CNTN1: variants seen among roughly 807,000 people sequenced by gnomAD.
CNTN1 encodes the protein contactin-1.
CNTN1 carries 38 observed loss-of-function variants against 126.4 expected under a neutral mutation model. That is an observed-to-expected ratio of 0.30 (90% CI 0.23 to 0.39). CNTN1 has a LOEUF of 0.39. Ranked by LOEUF, CNTN1 falls within the 10% of genes least tolerant of loss-of-function variation. CNTN1 has a pLI of 1.00. For synonymous variants in CNTN1, 413 were observed against 422.6 expected, an observed-to-expected ratio of 0.98 and a Z score of 0.28; for missense variants, 1,009 against 1,248.4, an observed-to-expected ratio of 0.81 and a Z score of 2.89.
chr12:40,812,383 C>A (rs923608823), intron 1 of CNTN1, among the ~76,000 whole-genome samples: 2 of 151,962 alleles, frequency 1.3e-5, no homozygotes, highest in Admixed American at 1.3e-4. Context: ...CTGTGTATGT[C>A]TTGTGTTCAC....
Position 40,943,718 on chromosome 12 carries a change from A to G in CNTN1, c.1501A>G (p.Ile501Val). The change falls in exon 13 of 24, where the codon ATC (isoleucine) becomes GTC (valine). Residue 501 changes from isoleucine to valine, a missense_variant. Physicochemically the swap from Ile to Val is conservative, Grantham distance 29. Coordinates refer to ENST00000551295, the MANE Select transcript of CNTN1 (RefSeq NM_001843.4). ...GKANSTGTLV[I>V]TDPTRIILAP... ...AGCTAATAGCACTGGAACCCTTGTT[A>G]TCACAGGTAAGTTAATGTTTGAGGG... 6.2e-7 allele frequency: 1 copy of G among 1,612,818 alleles called. No homozygotes were observed. The highest frequency in any genetic ancestry group is 8.5e-7 in the Non-Finnish European group (1 of 1,179,180).
chr12:40,972,380 A>G (rs1566068017), intron 15 of CNTN1: 1 of 984,040 alleles, frequency 1.0e-6, no homozygotes, highest in African/African-American at 1.7e-5. Flanking sequence ...TTGGTCAAAG[A>G]GATGTGCTTA....
intron 20 of CNTN1, among the ~76,000 whole-genome samples, chr12:41,023,304 G>T (rs1948967069): frequency 6.6e-6 from 1 of 152,184 alleles, no homozygotes; most frequent in Non-Finnish European, 1.5e-5. Flanking sequence ...AATGAGAATT[G>T]TGAGCAATTG....
intron 1 of CNTN1, among the ~76,000 whole-genome samples, chr12:40,844,570 T>C (rs982374817): frequency 6.6e-6 from 1 of 152,178 alleles, no homozygotes; most frequent in African/African-American, 2.4e-5. Context: ...AAGAGTGATA[T>C]TATTTAGAAT....
intron 23 of CNTN1, among the ~76,000 whole-genome samples, chr12:41,067,534 G>A (rs1359464924): frequency 6.8e-6 from 1 of 147,112 alleles, no homozygotes; most frequent in African/African-American, 2.5e-5. Flanking sequence ...ACCAAACACC[G>A]CATATTCTCA....
At chr12:40,817,777 T>G (rs1941308485) in intron 1 of CNTN1, among the ~76,000 whole-genome samples, 1 of 152,142 alleles carries the variant, frequency 6.6e-6, no homozygotes, top group Non-Finnish European at 1.5e-5. Context: ...TCTTTATGTT[T>G]TGGTGTGTTT....
At chr12:40,887,332 C>A (rs558631766) in intron 1 of CNTN1, among the ~76,000 whole-genome samples, 59 of 152,182 alleles carry the variant, frequency 3.9e-4, no homozygotes, top group African/African-American at 9.6e-4. Context: ...AAACAAAAAA[C>A]CCCATCAAAA....
intron 1 of CNTN1, among the ~76,000 whole-genome samples, chr12:40,867,052 G>A (rs1943320488): frequency 6.6e-6 from 1 of 152,180 alleles, no homozygotes; most frequent in African/African-American, 2.4e-5. Flanking sequence ...ATGTAGACAA[G>A]CACAGTGTTA....
intron 6 of CNTN1, 27 bp from the exon 7 acceptor site, chr12:40,929,769 T>A (rs780114224): frequency 1.3e-6 from 2 of 1,559,816 alleles, no homozygotes; most frequent in South Asian, 2.2e-5. Flanking sequence ...AAGCACTTAA[T>A]ATTTAGAAGG....
intron 23 of CNTN1, among the ~76,000 whole-genome samples, chr12:41,031,584 TG>T: frequency 6.6e-6 from 1 of 152,358 alleles, no homozygotes; most frequent in South Asian, 2.1e-4. Flanking sequence ...TTGTATCGGT[TG>T]ATTTCAGCAT....
At chr12:40,820,283 C>T (rs1395875256) in intron 1 of CNTN1, among the ~76,000 whole-genome samples, 1 of 152,160 alleles carries the variant, frequency 6.6e-6, no homozygotes, top group Non-Finnish European at 1.5e-5. Flanking sequence ...CTGAGGTATC[C>T]ATCCCCATGA....
At chr12:41,012,715 T>C (rs1170664119) in intron 17 of CNTN1, among the ~76,000 whole-genome samples, 1 of 152,214 alleles carries the variant, frequency 6.6e-6, no homozygotes, top group Non-Finnish European at 1.5e-5. Flanking sequence ...GCAGCCACGC[T>C]AATTATTTTA....
intron 1 of CNTN1, among the ~76,000 whole-genome samples, chr12:40,789,070 C>A (rs7302057): frequency 0.91 from 137,818 of 152,172 alleles, 62,544 homozygotes; most frequent in Middle Eastern, 0.95. Context: ...TAATTCCTTG[C>A]AGTTACATAT....
intron 15 of CNTN1, among the ~76,000 whole-genome samples, chr12:40,963,666 C>A (rs181766487): frequency 6.6e-6 from 1 of 152,064 alleles, no homozygotes; most frequent in East Asian, 1.9e-4. Context: ...TATTACACTT[C>A]AGATGTTTTT....
chr12:40,993,428 G>A (rs570248025), intron 17 of CNTN1, among the ~76,000 whole-genome samples, 159 bp downstream of exon 17: 1 of 152,162 alleles, frequency 6.6e-6, no homozygotes, highest in South Asian at 2.1e-4. Flanking sequence ...AAAATCAAAA[G>A]AGGAAATATG....
At chr12:41,010,512 C>T (rs577405790) in intron 17 of CNTN1, among the ~76,000 whole-genome samples, 2 of 152,260 alleles carry the variant, frequency 1.3e-5, no homozygotes, top group South Asian at 4.1e-4. Context: ...TCCTCCTGGT[C>T]CCTATTATAA....
At chr12:41,050,189 T>A (rs967832211) in intron 23 of CNTN1, among the ~76,000 whole-genome samples, 1 of 152,198 alleles carries the variant, frequency 6.6e-6, no homozygotes, top group African/African-American at 2.4e-5. Context: ...TGAGAGCCAC[T>A]GCACCCAGTC....
chr12:40,765,974 C>T (rs1158319683), intron 1 of CNTN1, among the ~76,000 whole-genome samples: 1 of 152,084 alleles, frequency 6.6e-6, no homozygotes, highest in Non-Finnish European at 1.5e-5. Context: ...GCTGGAGATG[C>T]CTATGGTTAT....
chr12:40,889,792 G>T (rs998231827), intron 1 of CNTN1, among the ~76,000 whole-genome samples: 1 of 152,170 alleles, frequency 6.6e-6, no homozygotes, highest in Non-Finnish European at 1.5e-5. Flanking sequence ...ATTATGCTGA[G>T]GATGAAGATG....
Sources: allele counts gnomAD v4.1 joint callset (sites outside exome capture counted in the v4.1 genomes callset), GRCh38; gene constraint gnomAD v4.1.1; transcripts MANE v1.5; gene names NCBI Gene and HGNC (gene_info 2026-07-23, HGNC 2026-07-21).